Variants in SLC25A26 observed in about 807,000 individuals in gnomAD.
SLC25A26 encodes solute carrier family 25 member 26.
A neutral mutation model predicts 37.8 loss-of-function variants in SLC25A26; 36 were observed. The ratio of observed to expected loss-of-function variants is 0.95; its 90% CI spans 0.73 to 1.26. The LOEUF (loss-of-function observed/expected upper bound fraction) is 1.26, where lower values mean the gene tolerates loss of function less well. Ranked by LOEUF, SLC25A26 falls within the 50% of genes most tolerant of loss-of-function variation. The pLI, the probability that SLC25A26 is intolerant of heterozygous loss-of-function variation, is 0.00. For synonymous variants in SLC25A26, 129 were observed against 122.5 expected, an observed-to-expected ratio of 1.05 and a Z score of -0.35; for missense variants, 390 against 331.1, an observed-to-expected ratio of 1.18 and a Z score of -1.38.
At chr3:66,208,666 A>ATATATATACACACACACATTTATATGGG (rs2071213368) in intron 1 of SLC25A26, among the ~76,000 whole-genome samples, 2 of 33,948 alleles carry the variant, frequency 5.9e-5, no homozygotes, top group African/African-American at 1.2e-4. Flanking sequence ...ATATGGGTAT[A>ATATATATACACACACACATTTATATGGG]TATATATATA....
chr3:66,368,690 G>A (rs919308354), intron 7 of SLC25A26, among the ~76,000 whole-genome samples: 4 of 152,182 alleles, frequency 2.6e-5, no homozygotes, highest in Non-Finnish European at 5.9e-5. Context: ...ATGCAAAACA[G>A]AAATGATAGA....
chr3:66,348,538 C>G (rs189114959), intron 6 of SLC25A26, among the ~76,000 whole-genome samples: 1 of 152,058 alleles, frequency 6.6e-6, no homozygotes, highest in Non-Finnish European at 1.5e-5. Context: ...GAGTTACTCT[C>G]ATAATTTTAT....
intron 1 of SLC25A26, among the ~76,000 whole-genome samples, chr3:66,174,827 G>A (rs1233862998): frequency 1.3e-5 from 2 of 149,470 alleles, no homozygotes; most frequent in African/African-American, 2.5e-5. Flanking sequence ...AAAAAAATGC[G>A]CTATGAAAAG....
chr3:66,291,300 T>C (rs2074698048), intron 5 of SLC25A26, among the ~76,000 whole-genome samples: 1 of 152,142 alleles, frequency 6.6e-6, no homozygotes, highest in South Asian at 2.1e-4. Flanking sequence ...TTTTTTTGTG[T>C]CTCTTTCTCC....
At chr3:66,328,565 C>T (rs755706672) in intron 5 of SLC25A26, among the ~76,000 whole-genome samples, 42 of 152,174 alleles carry the variant, frequency 2.8e-4, no homozygotes, top group Non-Finnish European at 5.1e-4. Context: ...TCCTATTTAA[C>T]AGTACCTCCA....
At chr3:66,183,807 C>A (rs2070763420) in intron 1 of SLC25A26, among the ~76,000 whole-genome samples, 1 of 152,018 alleles carries the variant, frequency 6.6e-6, no homozygotes, top group Admixed American at 6.5e-5. Flanking sequence ...CTGAACTTGG[C>A]TCTTACCCTG....
At chr3:66,267,779 CA>C (rs2073811276) in intron 5 of SLC25A26, among the ~76,000 whole-genome samples, 1 of 152,150 alleles carries the variant, frequency 6.6e-6, no homozygotes, top group Non-Finnish European at 1.5e-5. Flanking sequence ...TCTTTAGGTG[CA>C]AAAATCATCA....
intron 5 of SLC25A26, among the ~76,000 whole-genome samples, chr3:66,324,337 G>A (rs1017245305): frequency 1.3e-5 from 2 of 151,794 alleles, no homozygotes; most frequent in Admixed American, 1.3e-4. Flanking sequence ...TTCCTGAGTG[G>A]GATTGCAAAA....
chr3:66,372,200 A>C (rs1418982371), intron 9 of SLC25A26, among the ~76,000 whole-genome samples: 1 of 152,246 alleles, frequency 6.6e-6, no homozygotes, highest in Non-Finnish European at 1.5e-5. Context: ...CCAAACTGCC[A>C]AATTTCACTG....
rs1427017582 is a variant in SLC25A26 at position 66,236,605 on chromosome 3, C to T, written c.95C>T (p.Thr32Ile). The change falls in exon 2 of 10, where the codon ACC becomes ATC. Residue 32 changes from threonine to isoleucine, a missense_variant. By Grantham distance (89) the Thr-to-Ile change is moderately conservative. Coordinates refer to ENST00000354883, the MANE Select transcript of SLC25A26 (RefSeq NM_001379210.1). ...TTATTTCCTCTGGATACCATTAAAA[C>T]CAGGCTGCAGAGTCCCCAAGGATTT... Reference protein sequence around the residue: ...LILFPLDTIKTRLQSPQGFSK... With the variant: ...LILFPLDTIKIRLQSPQGFSK... The T allele has an allele frequency of 2.6e-6, 4 of 1,516,936 alleles. No homozygotes were observed. In the East Asian group the frequency reaches 7.4e-5, roughly 28 times the overall value. The allele number at this position is 1,516,936 out of a possible 1,614,324, so 94.0% of individuals were successfully genotyped here.
At chr3:66,318,381 G>A (rs1360605282) in intron 5 of SLC25A26, among the ~76,000 whole-genome samples, 3 of 152,194 alleles carry the variant, frequency 2.0e-5, no homozygotes, top group African/African-American at 7.2e-5. Flanking sequence ...GGGAGGGGTA[G>A]CACAATCCCT....
At chr3:66,154,966 C>A (rs1559553451) in intron 1 of SLC25A26, among the ~76,000 whole-genome samples, 1 of 152,230 alleles carries the variant, frequency 6.6e-6, no homozygotes, top group Non-Finnish European at 1.5e-5. Flanking sequence ...GCAGACCATG[C>A]TGTCCATCAT....
At chr3:66,144,723 T>A (rs767774018) in intron 1 of SLC25A26, among the ~76,000 whole-genome samples, 7 of 152,192 alleles carry the variant, frequency 4.6e-5, no homozygotes, top group Non-Finnish European at 1.0e-4. Context: ...GTGCACACGT[T>A]CATGGACCCC....
intron 1 of SLC25A26, among the ~76,000 whole-genome samples, chr3:66,170,327 C>T (rs2070478300): frequency 6.6e-6 from 1 of 152,134 alleles, no homozygotes; most frequent in African/African-American, 2.4e-5. Context: ...TAATGTCAAT[C>T]CTGTAGATGC....
chr3:66,224,312 C>G (rs576795614), intron 1 of SLC25A26, among the ~76,000 whole-genome samples: 19 of 152,318 alleles, frequency 1.2e-4, no homozygotes, highest in African/African-American at 3.1e-4. Context: ...AATTGACTTA[C>G]AGTTCCATTT....
At chr3:66,289,404 G>C (rs1282107808) in intron 5 of SLC25A26, among the ~76,000 whole-genome samples, 1 of 152,210 alleles carries the variant, frequency 6.6e-6, no homozygotes, top group South Asian at 2.1e-4. Flanking sequence ...GCCCATGCCT[G>C]TGTCCTGAAT....
At chr3:66,319,647 C>A (rs2075637910) in intron 5 of SLC25A26, among the ~76,000 whole-genome samples, 1 of 149,884 alleles carries the variant, frequency 6.7e-6, no homozygotes, top group South Asian at 2.1e-4. Flanking sequence ...TCTTTGTGAG[C>A]ATGTAAATAC....
At chr3:66,320,148 T>C (rs1437296636) in intron 5 of SLC25A26, among the ~76,000 whole-genome samples, 3 of 152,194 alleles carry the variant, frequency 2.0e-5, no homozygotes, top group African/African-American at 7.2e-5. Flanking sequence ...TTTAACAATT[T>C]TAAGTGCCTA....
At chr3:66,208,885 T>TATATTTATATACAC (rs1196757082) in intron 1 of SLC25A26, among the ~76,000 whole-genome samples, 1 of 105,606 alleles carries the variant, frequency 9.5e-6, no homozygotes, top group Non-Finnish European at 1.9e-5. Flanking sequence ...TATATATATA[T>TATATTTATATACAC]ACACCTTTAT....
Sources: allele counts gnomAD v4.1 joint callset (sites outside exome capture counted in the v4.1 genomes callset), GRCh38; gene constraint gnomAD v4.1.1; transcripts MANE v1.5; gene names NCBI Gene and HGNC (gene_info 2026-07-23, HGNC 2026-07-21).